The following NSUN4 variants were observed in gnomAD, a reference collection of about 807,000 sequenced individuals.
NSUN4 encodes NOP2/Sun RNA methyltransferase 4.
A neutral mutation model predicts 43.8 loss-of-function variants in NSUN4; 31 were observed. The ratio of observed to expected loss-of-function variants is 0.71; its 90% CI spans 0.53 to 0.96. NSUN4 has a LOEUF of 0.96. Among genes scored for constraint, NSUN4 ranks in the 40% least tolerant of loss-of-function variants. The pLI is 0.00. For synonymous variants in NSUN4, 167 were observed against 184.1 expected, an observed-to-expected ratio of 0.91 and a Z score of 0.75; for missense variants, 439 against 475.6, an observed-to-expected ratio of 0.92 and a Z score of 0.72.
intron 5 of NSUN4, 108 bp downstream of exon 5, chr1:46,360,936 G>A: frequency 8.0e-7 from 1 of 1,257,302 alleles, no homozygotes; most frequent in Non-Finnish European, 1.1e-6. Flanking sequence ...TCTTATGGCT[G>A]GAGATCTGCC....
At chr1:46,380,331 G>A in the NSUN4 span, among the ~76,000 whole-genome samples, 1 of 152,226 alleles carries the variant, frequency 6.6e-6, no homozygotes, top group Non-Finnish European at 1.5e-5. Flanking sequence ...GTGGGCAGGA[G>A]TAACTCTTGC....
At chr1:46,346,103 ATCGTGCC>A (rs1452588678) in intron 2 of NSUN4, among the ~76,000 whole-genome samples, 2 of 147,544 alleles carry the variant, frequency 1.4e-5, no homozygotes, top group Non-Finnish European at 1.5e-5. Context: ...GTGAGCTGAG[ATCGTGCC>A]ACCGTACTCC....
At chr1:46,340,971 C>G (rs1250719824) in intron 1 of NSUN4, 52 bp downstream of exon 1, 1 of 1,496,044 alleles carries the variant, frequency 6.7e-7, no homozygotes, top group Non-Finnish European at 9.1e-7. Flanking sequence ...GAAACTTCTC[C>G]AGTCTTTCCG....
At position 46,346,935 on chromosome 1, in the gene NSUN4, G is replaced by T. The variant is rs758717681; in HGVS notation, c.452G>T (p.Gly151Val). ...CTCTTTTCCAGACCTGGCAGCCTGG[G>T]TGTCATGGAGTACTACCTGATGGAT... ...RFPPARPGSL[G>V]VMEYYLMDAA... The change falls in exon 3 of 6, where the codon GGT (glycine) becomes GTT (valine). Residue 151 changes from glycine to valine, a missense_variant. Transcript: ENST00000474844. The T allele has an allele frequency of 1.2e-6, 2 of 1,613,630 alleles. No homozygotes were observed. The highest frequency in any genetic ancestry group is 1.7e-5 in the Admixed American group (1 of 59,894).
intron 3 of NSUN4, among the ~76,000 whole-genome samples, chr1:46,352,648 A>G (rs1241649935): frequency 6.6e-6 from 1 of 152,204 alleles, no homozygotes; most frequent in East Asian, 1.9e-4. Context: ...TGCTTTATTC[A>G]TTGACTTAAA....
At chr1:46,353,165 G>A in intron 4 of NSUN4, 137 bp downstream of exon 4, 2 of 670,430 alleles carry the variant, frequency 3.0e-6, no homozygotes, top group Non-Finnish European at 2.5e-6. Context: ...GTTCTACATT[G>A]GTGATTTGAC....
chr1:46,349,233 G>A lies in NSUN4; in HGVS notation c.592+2158G>A, dbSNP rs562440683. ...CGGCTCACTGCAAACTCCGCCTCCC[G>A]GGTTCATGCCATTCTCCTGCCTCAG... On this transcript the variant is annotated intron_variant, in intron 3 of 5. Coordinates refer to ENST00000474844, the MANE Select transcript of NSUN4 (RefSeq NM_199044.4). Among the ~76,000 whole-genome samples the A allele has an allele frequency of 2.9e-3, 443 of 150,686 alleles. 3 individuals carry two copies. The highest frequency in any genetic ancestry group is 7.8e-3 in the African/African-American group (321 of 41,008).
intron 4 of NSUN4, among the ~76,000 whole-genome samples, chr1:46,354,860 G>A (rs1467568128): frequency 2.6e-5 from 4 of 151,966 alleles, no homozygotes; most frequent in African/African-American, 7.3e-5. Flanking sequence ...TAGTAGAGAC[G>A]GGGTTTCACC....
chr1:46,347,398 A>G (rs1404190225), intron 3 of NSUN4, among the ~76,000 whole-genome samples: 2 of 152,186 alleles, frequency 1.3e-5, no homozygotes, highest in African/African-American at 4.8e-5. Context: ...AGATCCTGCC[A>G]CTGCACTCCA....
chr1:46,363,349 T>C lies in NSUN4; in HGVS notation c.*1503T>C, dbSNP rs1663996583. 1 of 152,224 alleles carries C rather than the reference T, an allele frequency of 6.6e-6. No homozygotes were observed. Among genetic ancestry groups the C allele is most frequent in the Non-Finnish European group, 1.5e-5 (1 of 68,068 alleles). 9.4% of individuals were successfully genotyped at this position (152,224 alleles called of 1,614,324 possible). Reference sequence around the variant, plus strand: ...GTCCCTGCATGCTGTTCACTCTGTATAGTACTTAGTATTCGCTGAGGCTAA... The same window carrying C: ...GTCCCTGCATGCTGTTCACTCTGTACAGTACTTAGTATTCGCTGAGGCTAA... On this transcript the variant is annotated 3_prime_UTR_variant, in exon 6 of 6. Coordinates refer to ENST00000474844, the MANE Select transcript of NSUN4 (RefSeq NM_199044.4).
the NSUN4 span, among the ~76,000 whole-genome samples, chr1:46,376,993 G>A: frequency 6.6e-6 from 1 of 151,168 alleles, no homozygotes; most frequent in Non-Finnish European, 1.5e-5. Context: ...CCTGATCTCA[G>A]GTGATCCACC....
the NSUN4 span, among the ~76,000 whole-genome samples, chr1:46,378,507 G>A: frequency 1.3e-5 from 2 of 152,154 alleles, no homozygotes. Flanking sequence ...AAGGGATTTT[G>A]AGTCTTGAAG....
At position 46,361,971 on chromosome 1, in the gene NSUN4, T is replaced by C; in HGVS notation, c.*125T>C. ...TGTCTCCATCCTGTTCGTGTCTTTCTGCAGTTTTCGGCAATAAGAAGTAGA... is the reference window on the plus strand; with the variant it reads ...TGTCTCCATCCTGTTCGTGTCTTTCCGCAGTTTTCGGCAATAAGAAGTAGA... On this transcript the variant is annotated 3_prime_UTR_variant, in exon 6 of 6. Transcript: ENST00000474844. The C allele has an allele frequency of 1.1e-6, 1 of 903,090 alleles. No individual in the cohort carries two copies. The highest frequency in any genetic ancestry group is 1.7e-6 in the Non-Finnish European group (1 of 604,694). The allele number at this position is 903,090 out of a possible 1,614,324, so 55.9% of individuals were successfully genotyped here.
At chr1:46,341,390 T>C (rs997702739) in intron 1 of NSUN4, 1 of 1,001,650 alleles carries the variant, frequency 1.0e-6, no homozygotes, top group African/African-American at 1.7e-5. Context: ...CTCCGCCGCC[T>C]TGCAGGAAAG....
chr1:46,361,511 T>G, intron 5 of NSUN4, 59 bp from the exon 6 acceptor site: 1 of 1,511,356 alleles, frequency 6.6e-7, no homozygotes, highest in Non-Finnish European at 9.1e-7. Context: ...GCTCCTTATG[T>G]TGCTCTTCTA....
At chr1:46,341,412 T>C in intron 1 of NSUN4, 2 of 1,003,950 alleles carry the variant, frequency 2.0e-6, no homozygotes, top group South Asian at 4.4e-5. Flanking sequence ...ATTCAGCCCC[T>C]TCCTCAACCT....
rs1663923732 is a variant in NSUN4, at chr1:46,362,103, G to A, written c.*257G>A. ...TGTACTAAAGTTTGCTGCCCGCTTA[G>A]GGGCTTAGAAGGAGAAGCCAGTGAG... On this transcript the variant is annotated 3_prime_UTR_variant, in exon 6 of 6. Transcript: ENST00000474844. 2 of 513,766 alleles carry A rather than the reference G, an allele frequency of 3.9e-6. No homozygotes were observed. The highest frequency in any genetic ancestry group is 3.5e-6 in the Non-Finnish European group (1 of 286,320). The allele number at this position is 513,766 out of a possible 1,614,324, so 31.8% of individuals were successfully genotyped here.
intron 1 of NSUN4, 49 bp downstream of exon 1, chr1:46,340,968 C>T: frequency 1.3e-6 from 2 of 1,503,154 alleles, no homozygotes; most frequent in Non-Finnish European, 1.8e-6. Flanking sequence ...GTGGAAACTT[C>T]TCCAGTCTTT....
At chr1:46,343,146 C>T in intron 1 of NSUN4, 1 of 392,314 alleles carries the variant, frequency 2.5e-6, no homozygotes, top group Non-Finnish European at 4.5e-6. Flanking sequence ...CTCCACCCCC[C>T]ATCCCTGCCC....
Sources: gnomAD v4.1 joint callset for allele counts (sites outside exome capture counted in the v4.1 genomes callset) on GRCh38, gnomAD v4.1.1 for gene constraint, MANE v1.5 for transcripts, NCBI Gene and HGNC (gene_info 2026-07-23, HGNC 2026-07-21) for gene names.